P4HA1: variants seen among roughly 807,000 people sequenced by gnomAD.
P4HA1 encodes prolyl 4-hydroxylase subunit alpha-1.
P4HA1 carries 24 observed loss-of-function variants against 72.8 expected under a neutral mutation model. That is an observed-to-expected ratio of 0.33 (90% CI 0.24 to 0.46). The LOEUF (loss-of-function observed/expected upper bound fraction) is 0.46. Ranked by LOEUF, P4HA1 falls within the 20% of genes least tolerant of loss-of-function variation. The pLI is 1.00. For synonymous variants in P4HA1, 201 were observed against 218.8 expected (o/e 0.92, Z 0.72); for missense variants, 446 against 640.6 (o/e 0.70, Z 3.28).
rs1564621224 is a variant in P4HA1 at position 73,024,754 on chromosome 10, AAAG to A, written c.1248+5514_1248+5516del. Among the ~76,000 whole-genome samples, 5 of 152,314 alleles carry A rather than the reference AAAG, an allele frequency of 3.3e-5. No homozygotes were observed. In the South Asian group the frequency reaches 1.0e-3, roughly 32 times the overall value. On this transcript the variant is annotated intron_variant, in intron 10 of 14. Coordinates refer to ENST00000394890, the MANE Select transcript of P4HA1 (RefSeq NM_001017962.3). Reference sequence around the variant, plus strand: ...TTGATAGACAGCTAGCAAGACTAATAAAGAAGAAAAGAGAGAATAATCAAATAG... The same window carrying A: ...TTGATAGACAGCTAGCAAGACTAATAAAGAAAAGAGAGAATAATCAAATAG...
intron 4 of P4HA1, among the ~76,000 whole-genome samples, chr10:73,070,067 C>T (rs1487173039): frequency 1.3e-5 from 2 of 151,206 alleles, no homozygotes; most frequent in Non-Finnish European, 2.9e-5. Flanking sequence ...GCCTTGGTCT[C>T]CCAAAGTGCT....
intron 6 of P4HA1, among the ~76,000 whole-genome samples, chr10:73,052,575 C>T (rs773054970): frequency 3.3e-5 from 5 of 152,178 alleles, no homozygotes; most frequent in Non-Finnish European, 7.4e-5. Context: ...AAAAAGATTA[C>T]TTGAACCAAT....
intron 10 of P4HA1, among the ~76,000 whole-genome samples, chr10:73,029,415 C>CAAAAA (rs769323241): frequency 1.8e-5 from 1 of 56,940 alleles, no homozygotes; most frequent in South Asian, 6.5e-4. Flanking sequence ...GACTCCATCT[C>CAAAAA]AAAAAAAAAA....
intron 10 of P4HA1, among the ~76,000 whole-genome samples, chr10:73,022,436 G>A (rs937244905): frequency 2.0e-5 from 3 of 152,186 alleles, no homozygotes; most frequent in African/African-American, 7.2e-5. Context: ...CTAACAGAAA[G>A]GAATAGCATC....
At chr10:73,071,879 A>G (rs1841573701) in intron 4 of P4HA1, 150 bp downstream of exon 4, 9 of 499,180 alleles carry the variant, frequency 1.8e-5, no homozygotes, top group Non-Finnish European at 6.9e-6. Flanking sequence ...TTTTGACTAA[A>G]TTAACTCTAT....
intron 7 of P4HA1, among the ~76,000 whole-genome samples, chr10:73,049,065 C>T (rs1256582249): frequency 6.6e-6 from 1 of 151,630 alleles, no homozygotes; most frequent in Non-Finnish European, 1.5e-5. Context: ...ACCCAGGGGC[C>T]GAAATGGCGC....
intron 4 of P4HA1, among the ~76,000 whole-genome samples, chr10:73,069,515 A>G (rs1268297881): frequency 6.6e-6 from 1 of 152,214 alleles, no homozygotes; most frequent in Admixed American, 6.5e-5. Flanking sequence ...TATATTTAAG[A>G]TCAACAGCAA....
intron 8 of P4HA1, among the ~76,000 whole-genome samples, chr10:73,045,700 G>A (rs1840839821): frequency 6.6e-6 from 1 of 151,958 alleles, no homozygotes; most frequent in African/African-American, 2.4e-5. Flanking sequence ...CTGAGGTTGT[G>A]AGAGCATGAA....
intron 9 of P4HA1, among the ~76,000 whole-genome samples, chr10:73,038,229 T>A (rs1840643026): frequency 6.6e-6 from 1 of 152,232 alleles, no homozygotes; most frequent in South Asian, 2.1e-4. Flanking sequence ...CACTCCAGCC[T>A]GGGCGACAGA....
intron 5 of P4HA1, among the ~76,000 whole-genome samples, chr10:73,056,444 C>T (rs2133105089): frequency 6.6e-6 from 1 of 151,242 alleles, no homozygotes; most frequent in East Asian, 2.0e-4. Flanking sequence ...CCAGCCTGGC[C>T]AACATGGTGA....
intron 3 of P4HA1, 122 bp from the exon 4 acceptor site, chr10:73,072,302 TTTAAAGTAAAAGTA>T: frequency 1.4e-6 from 1 of 724,712 alleles, no homozygotes; most frequent in Non-Finnish European, 2.3e-6. Context: ...GTAGTTTCTT[TTTAAAGTAAAAGTA>T]TACGGTCTCG....
intron 10 of P4HA1, among the ~76,000 whole-genome samples, chr10:73,023,892 A>G (rs867839952): frequency 1.3e-5 from 2 of 152,144 alleles, no homozygotes; most frequent in Non-Finnish European, 2.9e-5. Flanking sequence ...AGAGACAAAG[A>G]AGGCCATTAC....
At chr10:73,050,376 A>G (rs1325680250) in intron 7 of P4HA1, among the ~76,000 whole-genome samples, 2 of 151,968 alleles carry the variant, frequency 1.3e-5, no homozygotes, top group Non-Finnish European at 2.9e-5. Flanking sequence ...TGGCACCCAC[A>G]GAGAGAGAAT....
intron 9 of P4HA1, among the ~76,000 whole-genome samples, chr10:73,037,545 ATATATATATATATATATATATATATATT>A (rs1298007335): frequency 2.3e-4 from 6 of 25,824 alleles, no homozygotes; most frequent in East Asian, 2.8e-3. Context: ...ATATATATAT[ATATATATATATATATATATATATATATT>A]TTTTTTTTTT....
chr10:73,076,780 G>A (rs1385124702), intron 1 of P4HA1, among the ~76,000 whole-genome samples: 1 of 152,082 alleles, frequency 6.6e-6, no homozygotes, highest in Non-Finnish European at 1.5e-5. Flanking sequence ...CCCAGTAACA[G>A]GCTCCCATTA....
At chr10:73,072,582 T>C (rs1196496347) in intron 3 of P4HA1, among the ~76,000 whole-genome samples, 1 of 152,220 alleles carries the variant, frequency 6.6e-6, no homozygotes, top group African/African-American at 2.4e-5. Flanking sequence ...ATACTAAATT[T>C]TTACATCCAG....
chr10:73,073,220 CT>C (rs573264487), intron 3 of P4HA1, among the ~76,000 whole-genome samples: 418 of 116,156 alleles, frequency 3.6e-3, no homozygotes, highest in Non-Finnish European at 5.8e-3. Context: ...CATCCATATT[CT>C]TTTTTTTTTT....
intron 1 of P4HA1, among the ~76,000 whole-genome samples, chr10:73,094,543 T>C (rs1842120291): frequency 6.6e-6 from 1 of 152,204 alleles, no homozygotes; most frequent in African/African-American, 2.4e-5. Context: ...CACAGGTCAA[T>C]TCAAGAGCAA....
At chr10:73,095,100 C>T (rs147135665) in intron 1 of P4HA1, among the ~76,000 whole-genome samples, 1 of 151,960 alleles carries the variant, frequency 6.6e-6, no homozygotes, top group South Asian at 2.1e-4. Context: ...ACTTAAGGCA[C>T]AATGTCCCAA....
Sources: allele counts gnomAD v4.1 joint callset (sites outside exome capture counted in the v4.1 genomes callset), GRCh38; gene constraint gnomAD v4.1.1; transcripts MANE v1.5; gene names NCBI Gene and HGNC (gene_info 2026-07-23, HGNC 2026-07-21).